The following GRM7 variants were observed in gnomAD, a reference collection of about 807,000 sequenced individuals.
The protein encoded by GRM7 is glutamate metabotropic receptor 7.
In GRM7, 35 loss-of-function variants were observed where a neutral mutation model predicts 84.5. The observed-to-expected ratio is 0.41, with a 90% CI of 0.32 to 0.55. The LOEUF is 0.55. GRM7 is among the 20% of genes least tolerant of loss of function. GRM7 has a pLI of 0.19. For missense variants in GRM7, 1,003 were observed against 1,194.6 expected (o/e 0.84, Z 2.36); for synonymous variants, 487 against 455.1 (o/e 1.07, Z -0.89).
At chr3:7,103,802 CTTTCTTTCTTTCTT>C (rs778926382) in intron 1 of GRM7, among the ~76,000 whole-genome samples, 1,429 of 109,482 alleles carry the variant, frequency 0.013, 37 homozygotes, top group Middle Eastern at 0.047. Flanking sequence ...TTCTTTCTTT[CTTTCTTTCTTTCTT>C]TCTCTCTCTC....
intron 9 of GRM7, among the ~76,000 whole-genome samples, chr3:7,738,739 C>T (rs161888): frequency 0.49 from 60,264 of 123,842 alleles, 12,509 homozygotes; most frequent in African/African-American, 0.53. Flanking sequence ...TTTTTTTTTT[C>T]CCCTTCTTTT....
chr3:7,278,601 T>C (rs573944439), intron 2 of GRM7, among the ~76,000 whole-genome samples: 2 of 152,298 alleles, frequency 1.3e-5, no homozygotes, highest in East Asian at 3.9e-4. Flanking sequence ...AAATCTATAT[T>C]GAGCATCTGT....
intron 5 of GRM7, among the ~76,000 whole-genome samples, chr3:7,443,457 G>T (rs1697375912): frequency 6.6e-6 from 1 of 151,640 alleles, no homozygotes; most frequent in Admixed American, 6.6e-5. Flanking sequence ...TAAATACATT[G>T]CACATCCCAC....
At chr3:7,694,807 G>C (rs1335675297) in intron 9 of GRM7, among the ~76,000 whole-genome samples, 1 of 152,146 alleles carries the variant, frequency 6.6e-6, no homozygotes, top group Non-Finnish European at 1.5e-5. Context: ...ATGTATGGCA[G>C]AAAATTTGCC....
Position 7,365,117 on chromosome 3 carries a change from T to A in GRM7, c.1034-49906T>A, listed in dbSNP as rs144227565. The stretch of plus-strand genomic sequence containing the variant: ...ATACTTTCCCACAGTTTTCTGGTTT[T>A]TCTGTTGCCAATACTTGATTTGCTG... On this transcript the variant is annotated intron_variant, in intron 4 of 9. Coordinates refer to ENST00000357716, the MANE Select transcript of GRM7 (RefSeq NM_000844.4). Among the ~76,000 whole-genome samples, 781 of 152,032 alleles carry A rather than the reference T, an allele frequency of 5.1e-3. 13 individuals are homozygous for A. The highest frequency in any genetic ancestry group is 0.018 in the African/African-American group (754 of 41,534).
Position 6,861,392 on chromosome 3 carries a change from G to T in GRM7, c.4G>T (p.Val2Phe). 1 of 1,567,254 alleles carries T rather than the reference G, an allele frequency of 6.4e-7. No homozygotes were observed. Among genetic ancestry groups the T allele is most frequent in the Admixed American group, 1.9e-5 (1 of 53,022 alleles). ...CCACCGCAGCAGCCGGAGCAGCATG[G>T]TCCAGCTGAGGAAGCTGCTCCGCGT... M[V>F]QLRKLLRVLT... Residue 2 changes from valine (V) to phenylalanine (F), a missense_variant, in exon 1 of 10, where the codon GTC (valine) becomes TTC (phenylalanine). Coordinates refer to ENST00000357716, the MANE Select transcript of GRM7 (RefSeq NM_000844.4). The surrounding 1 kb of genome is among the most constrained non-coding windows in gnomAD (Gnocchi z 6.4).
chr3:7,180,855 T>C (rs1344865203), intron 2 of GRM7, among the ~76,000 whole-genome samples: 3 of 152,286 alleles, frequency 2.0e-5, no homozygotes, highest in African/African-American at 7.2e-5. Context: ...TCTAGTGAGC[T>C]CTTCTATCAT....
chr3:7,602,379 T>C (rs141759555), intron 8 of GRM7, among the ~76,000 whole-genome samples: 18 of 152,288 alleles, frequency 1.2e-4, no homozygotes, highest in African/African-American at 4.3e-4. Context: ...TTTTCTGTTT[T>C]CTCATGTTTT....
chr3:6,958,078 T>C (rs1006189041), intron 1 of GRM7, among the ~76,000 whole-genome samples: 6 of 106,030 alleles, frequency 5.7e-5, no homozygotes, highest in Non-Finnish European at 1.2e-4. Flanking sequence ...TGTGTATATA[T>C]GTGTGTGTGT....
chr3:7,138,428 A>G (rs2125060170), intron 1 of GRM7, among the ~76,000 whole-genome samples: 1 of 152,154 alleles, frequency 6.6e-6, no homozygotes, highest in African/African-American at 2.4e-5. Flanking sequence ...ACTAATAGTT[A>G]CATATTCCTC....
intron 2 of GRM7, among the ~76,000 whole-genome samples, chr3:7,290,060 T>C (rs921815576): frequency 6.6e-6 from 1 of 152,140 alleles, no homozygotes; most frequent in Non-Finnish European, 1.5e-5. Flanking sequence ...TTATTAGTAT[T>C]TTATGTTAAT....
intron 7 of GRM7, among the ~76,000 whole-genome samples, chr3:7,575,667 A>G (rs143708845): frequency 3.3e-4 from 51 of 152,356 alleles, no homozygotes; most frequent in African/African-American, 1.1e-3. Flanking sequence ...TATATTTTCA[A>G]TAATGATTTT....
intron 7 of GRM7, among the ~76,000 whole-genome samples, chr3:7,572,883 T>G (rs1694771813): frequency 1.4e-5 from 1 of 73,304 alleles, no homozygotes; most frequent in African/African-American, 4.8e-5. Context: ...TATATATAAA[T>G]AATCTTTCTA....
chr3:7,389,632 T>A (rs1694913411), intron 4 of GRM7, among the ~76,000 whole-genome samples: 1 of 152,092 alleles, frequency 6.6e-6, no homozygotes, highest in Non-Finnish European at 1.5e-5. Context: ...CCTTTTTTTC[T>A]GTTATTGGTT....
chr3:7,683,915 A>T (rs1700477548), intron 9 of GRM7, among the ~76,000 whole-genome samples: 1 of 133,004 alleles, frequency 7.5e-6, no homozygotes, highest in Non-Finnish European at 1.6e-5. Context: ...TTTAGCATTG[A>T]TACTGATCTA....
At position 7,366,625 on chromosome 3, in the gene GRM7, C is replaced by T. The variant is rs141158051; in HGVS notation, c.1034-48398C>T. On this transcript the variant is annotated intron_variant, in intron 4 of 9. Transcript: ENST00000357716. ...GTAAGTGCATACCCTGAATTTAATACCCTGAATCTTTCTCTGGTATTGAAA... is the reference window on the plus strand; with the variant it reads ...GTAAGTGCATACCCTGAATTTAATATCCTGAATCTTTCTCTGGTATTGAAA... Among the ~76,000 whole-genome samples the T allele has an allele frequency of 6.1e-3, 931 of 151,752 alleles. 6 individuals carry two copies. The highest frequency in any genetic ancestry group is 0.021 in the African/African-American group (878 of 41,472).
chr3:7,740,277 A>G (rs1702644879), intron 9 of GRM7, 80 bp from the exon 10 acceptor site: 1 of 908,330 alleles, frequency 1.1e-6, no homozygotes, highest in African/African-American at 1.7e-5. Flanking sequence ...TTTGCACCTC[A>G]AGTGAAAAGT....
chr3:7,064,453 G>GATATATATACATATAT (rs1331279373), intron 1 of GRM7, among the ~76,000 whole-genome samples: 1 of 76,438 alleles, frequency 1.3e-5, no homozygotes, highest in Non-Finnish European at 2.4e-5. Flanking sequence ...CTCATGTATG[G>GATATATATACATATAT]ATATATATAC....
intron 1 of GRM7, among the ~76,000 whole-genome samples, chr3:6,883,955 C>T (rs1695601820): frequency 6.6e-6 from 1 of 152,176 alleles, no homozygotes; most frequent in South Asian, 2.1e-4. Flanking sequence ...GGTCTGGAGA[C>T]ATGGAACTCC....
Sources: allele counts gnomAD v4.1 joint callset (sites outside exome capture counted in the v4.1 genomes callset), GRCh38; gene constraint gnomAD v4.1.1; non-coding constraint Gnocchi (gnomAD v3.1); transcripts MANE v1.5; gene names NCBI Gene and HGNC (gene_info 2026-07-23, HGNC 2026-07-21).